NLRC5: variants seen among roughly 807,000 people sequenced by gnomAD.
NLRC5 encodes the protein protein NLRC5.
NLRC5 carries 114 observed loss-of-function variants against 206.9 expected under a neutral mutation model. The ratio of observed to expected loss-of-function variants is 0.55; its 90% CI spans 0.47 to 0.64. The LOEUF is 0.64. Among genes scored for constraint, NLRC5 ranks in the 30% least tolerant of loss-of-function variants. The pLI is 0.00. For missense variants in NLRC5, 2,008 were observed against 2,305.5 expected (o/e 0.87, Z 2.64); for synonymous variants, 952 against 962.8 (o/e 0.99, Z 0.21).
chr16:57,052,467 C>G (rs1287147837), intron 24 of NLRC5: 2 of 150,710 alleles, frequency 1.3e-5, no homozygotes, highest in Non-Finnish European at 2.9e-5. Flanking sequence ...GAGTGAAACT[C>G]CATCTCAGAA....
Position 57,036,086 on chromosome 16 carries a change from G to GT in NLRC5, c.2628-14_2628-13insT. 1 of 1,570,624 alleles carries GT rather than the reference G, an allele frequency of 6.4e-7. No individual in the cohort carries two copies. Among genetic ancestry groups the GT allele is most frequent in the Admixed American group, 1.8e-5 (1 of 56,708 alleles). On this transcript the variant is annotated splice_polypyrimidine_tract_variant and intron_variant, in intron 13 of 48. Coordinates refer to ENST00000688547, the MANE Select transcript of NLRC5 (RefSeq NM_001384950.1). ...CCAGCCCCACAATACAGTGCATTGG[G>GT]CCCCCCGTCTCAGCCTCTCAGGGAA... is the stretch of plus-strand genomic sequence containing the variant.
At chr16:57,002,678 C>G (rs562160528) in intron 1 of NLRC5, among the ~76,000 whole-genome samples, 2 of 124,230 alleles carry the variant, frequency 1.6e-5, no homozygotes, top group South Asian at 2.7e-4. Flanking sequence ...GAGTCTCACT[C>G]TGTCTCAAGG....
chr16:57,004,631 C>T (rs935560774), intron 1 of NLRC5: 4 of 152,294 alleles, frequency 2.6e-5, no homozygotes, highest in Non-Finnish European at 5.9e-5. Flanking sequence ...TGTGCACGTG[C>T]ATGTGTGTAT....
At chr16:57,063,864 G>C (rs1015969823) in intron 32 of NLRC5, among the ~76,000 whole-genome samples, 13 of 151,946 alleles carry the variant, frequency 8.6e-5, no homozygotes, top group Non-Finnish European at 1.9e-4. Context: ...TCAGCCTCCA[G>C]AGTAGCTGGG....
intron 23 of NLRC5, 165 bp downstream of exon 23, chr16:57,047,793 C>T (rs377760967): frequency 4.8e-5 from 31 of 640,862 alleles, no homozygotes; most frequent in African/African-American, 2.2e-4. Context: ...GGCTGTCTCT[C>T]GGCAGCCCCC....
At chr16:57,059,411 G>A in intron 29 of NLRC5, 56 bp from the exon 30 acceptor site, 1 of 1,562,004 alleles carries the variant, frequency 6.4e-7, no homozygotes, top group Non-Finnish European at 8.7e-7. Flanking sequence ...TGCCCTAGGT[G>A]CCTAGGAAGC....
rs751013373 is a variant in NLRC5 at position 57,054,852 on chromosome 16, C to T, written c.3596+12C>T. 6.2e-7 allele frequency: 1 copy of T among 1,613,348 alleles called. No individual in the cohort carries two copies. Among genetic ancestry groups the T allele is most frequent in the South Asian group, 1.1e-5 (1 of 91,078 alleles). ...AAGGTGGATCTCAGGTGGGCATTCC[C>T]CTGGGACAGCCAGGACTCGTCCTGA... On this transcript the variant is annotated intron_variant, in intron 25 of 48. Coordinates refer to ENST00000688547, the MANE Select transcript of NLRC5 (RefSeq NM_001384950.1).
chr16:57,065,897 G>A (rs979467738), intron 33 of NLRC5, among the ~76,000 whole-genome samples: 6 of 152,146 alleles, frequency 3.9e-5, no homozygotes, highest in Non-Finnish European at 5.9e-5. Flanking sequence ...AGTGAGCAAG[G>A]GGATGCTCTG....
chr16:57,058,458 A>T (rs2065974886), intron 28 of NLRC5: 1 of 414,556 alleles, frequency 2.4e-6, no homozygotes, highest in South Asian at 2.9e-5. Flanking sequence ...CAACCAGCTG[A>T]TGCGGGATTG....
intron 27 of NLRC5, 87 bp downstream of exon 27, chr16:57,055,606 A>ACATGAGTG: frequency 2.8e-6 from 3 of 1,062,998 alleles, no homozygotes; most frequent in Non-Finnish European, 4.3e-6. Flanking sequence ...GTGTGTGCAC[A>ACATGAGTG]TACACTCATG....
chr16:56,992,642 A>C (rs527688150), intron 1 of NLRC5, among the ~76,000 whole-genome samples: 300 of 151,816 alleles, frequency 2.0e-3, no homozygotes, highest in African/African-American at 6.9e-3. Context: ...ATGCCCAGCT[A>C]GTTTTTGTAT....
At chr16:57,023,978 G>T in intron 5 of NLRC5, 125 bp downstream of exon 5, 1 of 877,054 alleles carries the variant, frequency 1.1e-6, no homozygotes, top group South Asian at 1.6e-5. Context: ...TGTCTCGCAA[G>T]TTTCCAGGAG....
chr16:57,067,787 G>T lies in NLRC5; in HGVS notation c.4458G>T (p.Leu1486=). 6.2e-7 allele frequency: 1 copy of T among 1,614,206 alleles called. No homozygotes were observed. The highest frequency in any genetic ancestry group is 8.5e-7 in the Non-Finnish European group (1 of 1,180,016). The change falls in exon 36 of 49, where the codon CTG becomes CTT. Residue 1486 remains leucine, a synonymous_variant. Coordinates refer to ENST00000688547, the MANE Select transcript of NLRC5 (RefSeq NM_001384950.1). Reference sequence around the variant, plus strand: ...ACGATGATGCCAGTTCCCTGCTGCTGCAGAGCCTCCTGCTGTCCCTCTCTG... The same window carrying T: ...ACGATGATGCCAGTTCCCTGCTGCTTCAGAGCCTCCTGCTGTCCCTCTCTG... ...CEDDDASSLL[L]QSLLLSLSEL...
chr16:57,066,432 G>A (rs2067091797), intron 33 of NLRC5, 102 bp from the exon 34 acceptor site: 8 of 981,714 alleles, frequency 8.1e-6, no homozygotes, highest in South Asian at 6.7e-5. Context: ...AGGGGACCCA[G>A]GCAAAGTGAG....
chr16:57,078,212 C>T (rs2068658378), intron 43 of NLRC5, among the ~76,000 whole-genome samples, 192 bp downstream of exon 43: 1 of 152,256 alleles, frequency 6.6e-6, no homozygotes, highest in South Asian at 2.1e-4. Flanking sequence ...CAGCCTAGTC[C>T]TGGCTCTGCC....
rs1455611059 is a variant in NLRC5, at chr16:57,023,834, G to A, written c.405G>A (p.Gln135=). 2.5e-6 allele frequency: 4 copies of A among 1,611,822 alleles called. No individual in the cohort carries two copies. Among genetic ancestry groups the A allele is most frequent in the Non-Finnish European group, 3.4e-6 (4 of 1,178,940 alleles). Residue 135 remains glutamine, a synonymous_variant, in exon 5 of 49, where the codon CAG becomes CAA. Coordinates refer to ENST00000688547, the MANE Select transcript of NLRC5 (RefSeq NM_001384950.1). Reference sequence around the variant, plus strand: ...GTGGGTCCTCACCCCGCCGGAAGCAGTGCAAGAAGCAGCAGCTAGGTGGGT... The same window carrying A: ...GTGGGTCCTCACCCCGCCGGAAGCAATGCAAGAAGCAGCAGCTAGGTGGGT... ...QSCGSSPRRK[Q]CKKQQLELAK...
chr16:57,030,408 A>ATGGATGGCTGAAAAGATGGATGGG (rs1567563823), intron 10 of NLRC5, among the ~76,000 whole-genome samples: 1 of 121,600 alleles, frequency 8.2e-6, no homozygotes, highest in Non-Finnish European at 1.8e-5. Context: ...GGATGGATGG[A>ATGGATGGCTGAAAAGATGGATGGG]TGGCTGAAAA....
At chr16:57,009,826 G>A (rs2059309163) in intron 1 of NLRC5, among the ~76,000 whole-genome samples, 2 of 152,126 alleles carry the variant, frequency 1.3e-5, no homozygotes, top group Admixed American at 1.3e-4. Context: ...TTCATTCTGG[G>A]TGAGATGAGA....
rs774510633 is a variant in NLRC5 at position 57,037,182 on chromosome 16, C to T, written c.2712-13C>T. The T allele has an allele frequency of 4.3e-6, 7 of 1,612,306 alleles. No individual in the cohort carries two copies. Among genetic ancestry groups the T allele is most frequent in the Admixed American group, 1.7e-5 (1 of 60,020 alleles). Reference sequence around the variant, plus strand: ...GCCACATGCCAACGGCTGCCTTCTCCTGCTCTCCACAGCCTCAGTAACAAC... The same window carrying T: ...GCCACATGCCAACGGCTGCCTTCTCTTGCTCTCCACAGCCTCAGTAACAAC... On this transcript the variant is annotated splice_polypyrimidine_tract_variant and intron_variant, in intron 14 of 48. Coordinates refer to ENST00000688547, the MANE Select transcript of NLRC5 (RefSeq NM_001384950.1).
Sources: allele counts gnomAD v4.1 joint callset (sites outside exome capture counted in the v4.1 genomes callset), GRCh38; gene constraint gnomAD v4.1.1; transcripts MANE v1.5; gene names NCBI Gene and HGNC (gene_info 2026-07-23, HGNC 2026-07-21).